CKAP5: variants seen among roughly 807,000 people sequenced by gnomAD.
CKAP5 encodes the protein cytoskeleton-associated protein 5.
A neutral mutation model predicts 232.8 loss-of-function variants in CKAP5; 27 were observed. The ratio of observed to expected loss-of-function variants is 0.12; its 90% CI spans 0.09 to 0.16. The LOEUF (loss-of-function observed/expected upper bound fraction) is 0.16. Ranked by LOEUF, CKAP5 falls within the 10% of genes least tolerant of loss-of-function variation. The pLI, the probability that CKAP5 is intolerant of heterozygous loss-of-function variation, is 1.00. For missense variants in CKAP5, 1,838 were observed against 2,424.7 expected (o/e 0.76, Z 5.08); for synonymous variants, 785 against 841.1 (o/e 0.93, Z 1.16).
intron 4 of CKAP5, among the ~76,000 whole-genome samples, chr11:46,812,785 G>A (rs941953867): frequency 6.6e-6 from 1 of 151,902 alleles, no homozygotes; most frequent in East Asian, 1.9e-4. Flanking sequence ...CTACAGAGGG[G>A]CACCACCATG....
chr11:46,791,948 T>C (rs2134640971), intron 13 of CKAP5, among the ~76,000 whole-genome samples: 1 of 152,354 alleles, frequency 6.6e-6, no homozygotes, highest in Non-Finnish European at 1.5e-5. Flanking sequence ...TAATGTTATC[T>C]TGAATATATT....
intron 29 of CKAP5, 87 bp downstream of exon 29, chr11:46,763,394 C>T: frequency 8.0e-7 from 1 of 1,246,880 alleles, no homozygotes. Context: ...ATTCTACTTC[C>T]AAGTCATGCA....
At chr11:46,811,297 G>GT (rs1159997005) in intron 4 of CKAP5, 119 bp from the exon 5 acceptor site, 266 of 808,880 alleles carry the variant, frequency 3.3e-4, no homozygotes, top group South Asian at 4.6e-4. Context: ...TATAAGTTCA[G>GT]TTTTTTTTAA....
At position 46,758,872 on chromosome 11, in the gene CKAP5, T is replaced by C. The variant is rs369342529; in HGVS notation, c.4689+51A>G. On this transcript the variant is annotated intron_variant, in intron 35 of 43. Coordinates refer to ENST00000529230, the MANE Select transcript of CKAP5 (RefSeq NM_001008938.4). Reference sequence around the variant, plus strand: ...GCGAGTGTGCAATTCATCACATTTATAGCCTCTATGTCCACCAATGGAATC... The same window carrying C: ...GCGAGTGTGCAATTCATCACATTTACAGCCTCTATGTCCACCAATGGAATC... 34 of 1,603,192 alleles carry C rather than the reference T, an allele frequency of 2.1e-5. No homozygotes were observed. The African/African-American group carries it at 4.2e-4, about 20-fold the overall frequency.
At chr11:46,796,788 C>A (rs966688192) in intron 12 of CKAP5, 24 bp downstream of exon 12, 1 of 1,611,712 alleles carries the variant, frequency 6.2e-7, no homozygotes, top group South Asian at 1.1e-5. Flanking sequence ...TGTCCAATTT[C>A]AGTCCAATCC....
intron 1 of CKAP5, among the ~76,000 whole-genome samples, chr11:46,840,509 G>C (rs1476828196): frequency 6.6e-6 from 1 of 152,118 alleles, no homozygotes; most frequent in African/African-American, 2.4e-5. Flanking sequence ...TTATCCTAAG[G>C]CACTGTTAAA....
At chr11:46,818,064 T>C (rs983870002) in intron 3 of CKAP5, among the ~76,000 whole-genome samples, 4 of 152,216 alleles carry the variant, frequency 2.6e-5, no homozygotes, top group African/African-American at 9.6e-5. Flanking sequence ...GGAAAACCAC[T>C]TGGTCATCAA....
chr11:46,752,749 A>C, intron 37 of CKAP5, 39 bp from the exon 38 acceptor site: 1 of 1,500,552 alleles, frequency 6.7e-7, no homozygotes, highest in Non-Finnish European at 9.3e-7. Flanking sequence ...TAAGTTTCAA[A>C]CCTGCATTCC....
rs1316389397 is a variant in CKAP5, at chr11:46,776,386, A to G, written c.2863-3T>C. 1.9e-6 allele frequency: 3 copies of G among 1,607,056 alleles called. No homozygotes were observed. In the Admixed American group the frequency reaches 5.2e-5, roughly 28 times the overall value. On this transcript the variant is annotated splice_region_variant and splice_polypyrimidine_tract_variant and intron_variant, in intron 23 of 43. Transcript: ENST00000529230. The stretch of plus-strand genomic sequence containing the variant: ...AGGGCAGCAGCTCGAACATTGTTCT[A>G]AATGGAGAAGATAATCAGCAAAAAT...
chr11:46,798,521 A>G (rs772130968), intron 9 of CKAP5, among the ~76,000 whole-genome samples: 3 of 151,612 alleles, frequency 2.0e-5, no homozygotes, highest in Non-Finnish European at 4.4e-5. Flanking sequence ...TCAAAGCTGC[A>G]GTGAGCTACG....
chr11:46,790,482 C>G lies in CKAP5; in HGVS notation c.1752G>C (p.Glu584Asp), dbSNP rs768455721. Residue 584 changes from glutamate (E) to aspartate (D), a missense_variant, in exon 14 of 44, where the codon GAG becomes GAC. Glu to Asp is a conservative substitution (Grantham distance 45). This residue lies in a region of CKAP5 where 767 missense variants were observed against 954.6 expected (regional missense o/e 0.80). Transcript: ENST00000529230. The stretch of plus-strand genomic sequence containing the variant: ...TGTTAATACTGACCGAGAGCTCAGG[C>G]TCCACTATTTCTTTAGTCTCCAGTC... ...KKGLETKEIV[E>D]PELSIEVCEE... The G allele has an allele frequency of 1.3e-5, 21 of 1,611,816 alleles. No individual in the cohort carries two copies. In the East Asian group the frequency reaches 4.5e-4, roughly 34 times the overall value.
At chr11:46,840,312 C>G (rs1940022272) in intron 1 of CKAP5, among the ~76,000 whole-genome samples, 1 of 152,046 alleles carries the variant, frequency 6.6e-6, no homozygotes, top group Non-Finnish European at 1.5e-5. Context: ...CTGTCAAACT[C>G]CCTTAGGTCA....
chr11:46,818,438 T>C lies in CKAP5; in HGVS notation c.123A>G (p.Glu41=). 6.2e-7 allele frequency: 1 copy of C among 1,609,714 alleles called. No individual in the cohort carries two copies. ...AAAATTTGGACCACTCTGGGCTCTT[T>C]TCATCCTTTATTTTCTGGAAGATCT... ...ALKIFQKIKD[E]KSPEWSKFLG... Residue 41 remains glutamate, a synonymous_variant, in exon 3 of 44, where the codon GAA becomes GAG. Coordinates refer to ENST00000529230, the MANE Select transcript of CKAP5 (RefSeq NM_001008938.4).
chr11:46,835,519 G>C (rs1338988859), intron 1 of CKAP5, among the ~76,000 whole-genome samples: 1 of 151,956 alleles, frequency 6.6e-6, no homozygotes, highest in African/African-American at 2.4e-5. Context: ...ATGTCAAAGG[G>C]ACACAGGAGC....
chr11:46,757,732 C>T (rs1592436653), intron 35 of CKAP5, among the ~76,000 whole-genome samples: 1 of 151,446 alleles, frequency 6.6e-6, no homozygotes, highest in Admixed American at 6.6e-5. Flanking sequence ...GGACTATAGG[C>T]GTGCGCCACC....
intron 1 of CKAP5, among the ~76,000 whole-genome samples, chr11:46,842,571 C>T (rs888776242): frequency 3.9e-4 from 60 of 152,228 alleles, no homozygotes; most frequent in African/African-American, 1.4e-3. Context: ...AGTTTCCTCT[C>T]GTGGGTCTTA....
intron 1 of CKAP5, among the ~76,000 whole-genome samples, chr11:46,844,642 AT>A (rs1293007059): frequency 1.3e-5 from 2 of 151,920 alleles, no homozygotes; most frequent in African/African-American, 2.4e-5. Context: ...CTTTTAAAAA[AT>A]TTTTTTTCTT....
rs758862336 is a variant in CKAP5 at position 46,780,333 on chromosome 11, G to T, written c.2308-14C>A. On this transcript the variant is annotated splice_polypyrimidine_tract_variant and intron_variant, in intron 19 of 43. Transcript: ENST00000529230. ...AGTCCTCACAGCCTGCCAGACAGAA[G>T]AAAAATAACTTTTTAAATCACAAAG... The T allele has an allele frequency of 1.9e-5, 30 of 1,613,608 alleles. No homozygotes were observed. In the South Asian group the frequency reaches 3.3e-4, roughly 18 times the overall value.
intron 16 of CKAP5, among the ~76,000 whole-genome samples, chr11:46,786,679 T>C (rs888338485): frequency 6.6e-6 from 1 of 152,172 alleles, no homozygotes; most frequent in Admixed American, 6.5e-5. Context: ...CATGCGAATA[T>C]TCAAGGTTAT....
Sources: allele counts gnomAD v4.1 joint callset (sites outside exome capture counted in the v4.1 genomes callset), GRCh38; gene constraint gnomAD v4.1.1; regional missense constraint gnomAD v4.1.1; transcripts MANE v1.5; gene names NCBI Gene and HGNC (gene_info 2026-07-23, HGNC 2026-07-21).